CRACDL: variants seen among roughly 807,000 people sequenced by gnomAD.
The protein encoded by CRACDL is CRACD like.
Under a neutral mutation model 70.6 loss-of-function variants are expected in CRACDL, and 26 were observed. That is an observed-to-expected ratio of 0.37 (90% CI 0.27 to 0.51). The LOEUF (loss-of-function observed/expected upper bound fraction) is 0.51, where lower values mean the gene tolerates loss of function less well. Among genes scored for constraint, CRACDL ranks in the 20% least tolerant of loss-of-function variants. The probability of loss-of-function intolerance (pLI) is 0.94; values close to 1 mark genes in which losing one functional copy is unlikely to be tolerated. For synonymous variants in CRACDL, 618 were observed against 615.2 expected, an observed-to-expected ratio of 1.00 and a Z score of -0.07; for missense variants, 1,283 against 1,376.9, an observed-to-expected ratio of 0.93 and a Z score of 1.08.
chr2:98,917,016 T>C (rs988599432), intron 1 of CRACDL, among the ~76,000 whole-genome samples: 1 of 152,218 alleles, frequency 6.6e-6, no homozygotes, highest in African/African-American at 2.4e-5. Context: ...CTCCAACACA[T>C]CCTGCACCTT....
chr2:98,884,460 A>T (rs1707747855), intron 1 of CRACDL, among the ~76,000 whole-genome samples: 1 of 152,224 alleles, frequency 6.6e-6, no homozygotes, highest in African/African-American at 2.4e-5. Flanking sequence ...CCACAGTGAC[A>T]GAGCCAGGCA....
At chr2:98,854,649 C>T (rs1477089536) in intron 1 of CRACDL, among the ~76,000 whole-genome samples, 1 of 151,958 alleles carries the variant, frequency 6.6e-6, no homozygotes, top group Non-Finnish European at 1.5e-5. Flanking sequence ...GCAAACAATC[C>T]CCTGCCTTAA....
intron 1 of CRACDL, among the ~76,000 whole-genome samples, chr2:98,891,834 A>G (rs1029863705): frequency 6.6e-6 from 1 of 152,240 alleles, no homozygotes; most frequent in African/African-American, 2.4e-5. Context: ...TAACATATAC[A>G]ATAAAGGGTG....
At chr2:98,832,310 T>A (rs192127346) in intron 5 of CRACDL, 38 bp downstream of exon 5, 84 of 1,610,924 alleles carry the variant, frequency 5.2e-5, no homozygotes, top group Admixed American at 8.3e-5. Flanking sequence ...CCAGGGCAGG[T>A]GTGGATGAAG....
intron 1 of CRACDL, among the ~76,000 whole-genome samples, chr2:98,911,294 T>C (rs1295802068): frequency 2.0e-5 from 3 of 152,144 alleles, no homozygotes; most frequent in African/African-American, 7.2e-5. Flanking sequence ...GCTACATCAG[T>C]GGGAGGGTTT....
intron 1 of CRACDL, chr2:98,868,989 T>C (rs1200311442): frequency 2.9e-6 from 2 of 700,812 alleles, no homozygotes; most frequent in Non-Finnish European, 4.5e-6. Flanking sequence ...CCTCAGGGGA[T>C]GGTGGCCACC....
intron 1 of CRACDL, among the ~76,000 whole-genome samples, chr2:98,872,357 C>T (rs993367946): frequency 6.6e-6 from 1 of 151,790 alleles, no homozygotes; most frequent in African/African-American, 2.4e-5. Flanking sequence ...GACTCTGTCT[C>T]AAAAGAAAAG....
chr2:98,825,542 C>T (rs187479461), intron 6 of CRACDL, among the ~76,000 whole-genome samples: 6 of 152,332 alleles, frequency 3.9e-5, no homozygotes, highest in Non-Finnish European at 7.3e-5. Flanking sequence ...TGGCTATAAA[C>T]GCCCTGGCCA....
At chr2:98,843,997 T>C (rs944399131) in intron 2 of CRACDL, among the ~76,000 whole-genome samples, 3 of 152,298 alleles carry the variant, frequency 2.0e-5, no homozygotes, top group African/African-American at 7.2e-5. Flanking sequence ...TTATTTCACC[T>C]CTATGGACTT....
Position 98,822,707 on chromosome 2 carries a change from C to T in CRACDL, c.1566G>A (p.Pro522=). 7.9e-7 allele frequency: 1 copy of T among 1,262,518 alleles called. No individual in the cohort carries two copies. The highest frequency in any genetic ancestry group is 9.9e-7 in the Non-Finnish European group (1 of 1,007,566). The allele number at this position is 1,262,518 out of a possible 1,614,324, so 78.2% of individuals were successfully genotyped here. A position where few individuals can be genotyped will look rare whatever the true frequency, so the allele number is the denominator to read the frequency against. The change falls in exon 7 of 10, where the codon CCG becomes CCA. Residue 522 remains proline, a synonymous_variant. Transcript: ENST00000397899. The surrounding 1 kb of genome is among the most constrained non-coding windows in gnomAD (Gnocchi z 4.9). ...CGAGGGAACCGGGGCCGGGCTCCAC[C>T]GGGGGAGACTCCGCAGCGGCAAGCG... ...SPPLAAAESP[P]VEPGPGSLDA...
intron 7 of CRACDL, among the ~76,000 whole-genome samples, chr2:98,814,270 C>T (rs534607229): frequency 9.9e-5 from 15 of 152,030 alleles, no homozygotes; most frequent in Non-Finnish European, 2.1e-4. Context: ...TGCTTTGAAA[C>T]ATTTTTTCTT....
chr2:98,870,258 A>G (rs975204406), intron 1 of CRACDL, among the ~76,000 whole-genome samples: 2 of 152,234 alleles, frequency 1.3e-5, no homozygotes, highest in Non-Finnish European at 2.9e-5. Flanking sequence ...AGGAACAGGC[A>G]GCAGCAAGGG....
At chr2:98,801,091 C>G (rs1704055882) in intron 7 of CRACDL, among the ~76,000 whole-genome samples, 1 of 152,214 alleles carries the variant, frequency 6.6e-6, no homozygotes, top group Non-Finnish European at 1.5e-5. Context: ...ACCACCATTT[C>G]TCTCCTTTTT....
intron 7 of CRACDL, among the ~76,000 whole-genome samples, chr2:98,798,869 A>C (rs1251579158): frequency 6.6e-6 from 1 of 152,002 alleles, no homozygotes; most frequent in East Asian, 1.9e-4. Flanking sequence ...TTTTTTGTAG[A>C]GATGGGGTCT....
rs1271244679 is a variant in CRACDL at position 98,807,446 on chromosome 2, T to TTC, written c.2417-9910_2417-9909insGA. On this transcript the variant is annotated intron_variant, in intron 7 of 9. Transcript: ENST00000397899. ...TCTACCTGCTAGATGCTGGTATACC[T>TTC]CCCTTCCCCACCCTACCACAGCGGT... 3.9e-5 allele frequency among the ~76,000 whole-genome samples: 6 copies of TTC among 152,260 alleles called. No homozygotes were observed. The East Asian group carries it at 1.2e-3, about 29-fold the overall frequency.
chr2:98,936,094 C>T lies in CRACDL; in HGVS notation c.-167G>A, dbSNP rs1573223033. On this transcript the variant is annotated 5_prime_UTR_variant, in exon 1 of 10. Transcript: ENST00000397899. Reference sequence around the variant, plus strand: ...GGTGGCCGCGCGGCCTCCAGACAGCCCGGGTCTGCGGCCGAAGAGCTGGAC... The same window carrying T: ...GGTGGCCGCGCGGCCTCCAGACAGCTCGGGTCTGCGGCCGAAGAGCTGGAC... The T allele has an allele frequency of 6.6e-6, 1 of 151,798 alleles. No individual in the cohort carries two copies. The highest frequency in any genetic ancestry group is 1.5e-5 in the Non-Finnish European group (1 of 67,912). The allele number at this position is 151,798 out of a possible 1,614,324, so 9.4% of individuals were successfully genotyped here.
intron 1 of CRACDL, among the ~76,000 whole-genome samples, chr2:98,873,800 A>T (rs146526575): frequency 0.018 from 2,709 of 152,266 alleles, 89 homozygotes; most frequent in African/African-American, 0.061. Flanking sequence ...GAGGTCAGGA[A>T]TTCCAGACCA....
chr2:98,819,429 T>C (rs1704929867), intron 7 of CRACDL, among the ~76,000 whole-genome samples: 1 of 152,254 alleles, frequency 6.6e-6, no homozygotes, highest in African/African-American at 2.4e-5. Flanking sequence ...CACTCTACAA[T>C]AGCTTCAATA....
intron 1 of CRACDL, among the ~76,000 whole-genome samples, chr2:98,934,423 G>A (rs561693640): frequency 2.5e-4 from 38 of 151,928 alleles, no homozygotes; most frequent in African/African-American, 8.7e-4. Flanking sequence ...ACGAACTCCT[G>A]ACCTCAGGCA....
Sources: gnomAD v4.1 joint callset for allele counts (sites outside exome capture counted in the v4.1 genomes callset) on GRCh38, gnomAD v4.1.1 for gene constraint, Gnocchi (gnomAD v3.1) non-coding constraint, MANE v1.5 for transcripts, NCBI Gene and HGNC (gene_info 2026-07-23, HGNC 2026-07-21) for gene names.